PCDHGA8: variants seen among roughly 807,000 people sequenced by gnomAD.
PCDHGA8 encodes protocadherin gamma subfamily A, 8.
In PCDHGA8, 45 loss-of-function variants were observed where a neutral mutation model predicts 59.2. The ratio of observed to expected loss-of-function variants is 0.76; its 90% confidence interval spans 0.60 to 0.98. The LOEUF (loss-of-function observed/expected upper bound fraction) is 0.98. Ranked by LOEUF, PCDHGA8 falls within the 50% of genes least tolerant of loss-of-function variation. The pLI is 0.00. For synonymous variants in PCDHGA8, 531 were observed against 519.0 expected, an observed-to-expected ratio of 1.02 and a Z score of -0.32; for missense variants, 1,257 against 1,196.2, an observed-to-expected ratio of 1.05 and a Z score of -0.75.
chr5:141,492,359 C>A (rs1292383129), intron 1 of PCDHGA8, among the ~76,000 whole-genome samples: 3 of 152,336 alleles, frequency 2.0e-5, no homozygotes, highest in African/African-American at 7.2e-5. Flanking sequence ...GCCACTCGCT[C>A]GCGGCCAGAT....
chr5:141,418,807 G>A (rs1400599346), intron 1 of PCDHGA8: 2 of 1,613,650 alleles, frequency 1.2e-6, no homozygotes, highest in African/African-American at 1.3e-5. Context: ...AAAGATATAC[G>A]ATAAACATAG....
At position 141,493,061 on chromosome 5, in the gene PCDHGA8, C is replaced by G. The variant is rs1386090478; in HGVS notation, c.2425-1746C>G. On this transcript the variant is annotated intron_variant, in intron 1 of 3. Transcript: ENST00000398604. The surrounding 1 kb of genome is among the most constrained non-coding windows in gnomAD (Gnocchi z 4.3). The stretch of plus-strand genomic sequence containing the variant: ...GAGGAAACTACAATAGTAAAAAACA[C>G]AAGTTTCTCCAACTCCAGGAGCTTT... Among the ~76,000 whole-genome samples the G allele has an allele frequency of 6.6e-6, 1 of 152,228 alleles. No individual in the cohort carries two copies. Among genetic ancestry groups the G allele is most frequent in the African/African-American group, 2.4e-5 (1 of 41,446 alleles).
intron 1 of PCDHGA8, chr5:141,441,802 T>C (rs2098274220): frequency 2.6e-6 from 1 of 382,538 alleles, no homozygotes; most frequent in South Asian, 2.1e-5. Flanking sequence ...GCACCGCGGG[T>C]GCTGTACCCC....
Position 141,422,740 on chromosome 5 carries a change from T to C in PCDHGA8, c.2424+27503T>C, listed in dbSNP as rs536737009. The C allele has an allele frequency of 2.7e-5, 43 of 1,609,962 alleles. 1 individual carries two copies. In the South Asian group the frequency reaches 4.8e-4, roughly 18 times the overall value. On this transcript the variant is annotated intron_variant, in intron 1 of 3. Transcript: ENST00000398604. ...TGTCCAGGGGGTGCCTCTGTCCTCC[T>C]ATGTCTCTATTAACTCCAACACTGG... is the stretch of plus-strand genomic sequence containing the variant.
At chr5:141,399,470 TC>T in intron 1 of PCDHGA8, 1 of 1,614,018 alleles carries the variant, frequency 6.2e-7, no homozygotes, top group South Asian at 1.1e-5. Context: ...GCTCCGGTTT[TC>T]CACCAGGCGT....
chr5:141,415,020 C>T, intron 1 of PCDHGA8: 2 of 1,613,560 alleles, frequency 1.2e-6, no homozygotes, highest in Non-Finnish European at 1.7e-6. Context: ...TGCTCAAGGC[C>T]AGCGAGCCGG....
intron 1 of PCDHGA8, among the ~76,000 whole-genome samples, chr5:141,483,294 T>G (rs1392406131): frequency 2.0e-5 from 3 of 152,100 alleles, no homozygotes; most frequent in Non-Finnish European, 4.4e-5. Flanking sequence ...CAGTCATAAG[T>G]GAAGGGACTG....
intron 2 of PCDHGA8, among the ~76,000 whole-genome samples, chr5:141,502,056 C>T (rs1163976282): frequency 1.3e-5 from 2 of 152,116 alleles, no homozygotes; most frequent in Non-Finnish European, 2.9e-5. Flanking sequence ...CTACTTTATT[C>T]CCATTAGCCC....
intron 1 of PCDHGA8, among the ~76,000 whole-genome samples, chr5:141,420,868 G>C (rs1479734969): frequency 6.6e-6 from 1 of 152,222 alleles, no homozygotes; most frequent in Non-Finnish European, 1.5e-5. Context: ...GTCACATAAT[G>C]TAAGTATTGT....
At chr5:141,415,258 C>G (rs1228702476) in intron 1 of PCDHGA8, 1 of 1,614,214 alleles carries the variant, frequency 6.2e-7, no homozygotes, top group Non-Finnish European at 8.5e-7. Context: ...AGACCTCACT[C>G]TGTACCTGGT....
At chr5:141,414,570 C>G (rs1253876890) in intron 1 of PCDHGA8, 13 of 1,613,862 alleles carry the variant, frequency 8.1e-6, no homozygotes, top group Non-Finnish European at 1.0e-5. Flanking sequence ...TTACCTATAT[C>G]CCAGAGAACA....
intron 2 of PCDHGA8, among the ~76,000 whole-genome samples, chr5:141,498,555 C>T (rs2099784323): frequency 6.6e-6 from 1 of 152,032 alleles, no homozygotes; most frequent in South Asian, 2.1e-4. Flanking sequence ...GACACACCAG[C>T]TTCAAAGCAG....
At chr5:141,454,311 T>C (rs755771201) in intron 1 of PCDHGA8, among the ~76,000 whole-genome samples, 1 of 152,216 alleles carries the variant, frequency 6.6e-6, no homozygotes, top group Non-Finnish European at 1.5e-5. Context: ...TTTCAAAGCA[T>C]TGAAACCTCC....
At chr5:141,506,923 C>T (rs1414595306) in intron 3 of PCDHGA8, among the ~76,000 whole-genome samples, 4 of 152,184 alleles carry the variant, frequency 2.6e-5, no homozygotes, top group African/African-American at 9.7e-5. Context: ...ACATACTAAA[C>T]AAACTTTAGG....
intron 1 of PCDHGA8, among the ~76,000 whole-genome samples, chr5:141,458,102 A>G (rs1314999618): frequency 6.6e-6 from 1 of 152,246 alleles, no homozygotes; most frequent in Admixed American, 6.5e-5. Context: ...GTACTTACAG[A>G]TAGTCTCCAA....
At chr5:141,452,421 C>A (rs1211472567) in intron 1 of PCDHGA8, among the ~76,000 whole-genome samples, 2 of 152,180 alleles carry the variant, frequency 1.3e-5, no homozygotes, top group Non-Finnish European at 2.9e-5. Context: ...ATGCTCACTG[C>A]TAATGGGCTG....
At chr5:141,413,389 T>G in intron 1 of PCDHGA8, 1 of 1,613,986 alleles carries the variant, frequency 6.2e-7, no homozygotes, top group Non-Finnish European at 8.5e-7. Flanking sequence ...CCGCATAGTC[T>G]CCAGAGGTAG....
intron 3 of PCDHGA8, among the ~76,000 whole-genome samples, chr5:141,510,584 C>T (rs2099881791): frequency 1.3e-5 from 2 of 152,184 alleles, no homozygotes. Flanking sequence ...TTTTACGTAC[C>T]TGACATACAT....
chr5:141,403,969 T>G (rs1437416293), intron 1 of PCDHGA8: 1 of 1,613,690 alleles, frequency 6.2e-7, no homozygotes, highest in African/African-American at 1.3e-5. Context: ...CGGTGGAAGA[T>G]GTAAATGACA....
Sources: gnomAD v4.1 joint callset for allele counts (sites outside exome capture counted in the v4.1 genomes callset) on GRCh38, gnomAD v4.1.1 for gene constraint, Gnocchi (gnomAD v3.1) non-coding constraint, MANE v1.5 for transcripts, NCBI Gene and HGNC (gene_info 2026-07-23, HGNC 2026-07-21) for gene names.